Variants in SPAG16 observed in about 807,000 individuals in gnomAD.
SPAG16 encodes sperm-associated antigen 16 protein.
A neutral mutation model predicts 80.4 loss-of-function variants in SPAG16; 86 were observed. The ratio of observed to expected loss-of-function variants is 1.07; its 90% confidence interval spans 0.90 to 1.28. The LOEUF is 1.28. Ranked by LOEUF, SPAG16 falls within the 50% of genes most tolerant of loss-of-function variation. SPAG16 has a pLI of 0.00. For missense variants in SPAG16, 870 were observed against 765.3 expected, an observed-to-expected ratio of 1.14 and a Z score of -1.61; for synonymous variants, 294 against 265.9, an observed-to-expected ratio of 1.11 and a Z score of -1.03.
At chr2:213,793,830 C>T (rs1204154055) in intron 10 of SPAG16, among the ~76,000 whole-genome samples, 1 of 152,100 alleles carries the variant, frequency 6.6e-6, no homozygotes, top group East Asian at 1.9e-4. Flanking sequence ...CGTCTTAATA[C>T]CTCCAAGTAT....
intron 5 of SPAG16, among the ~76,000 whole-genome samples, chr2:213,330,718 A>C (rs1242316919): frequency 6.6e-6 from 1 of 152,106 alleles, no homozygotes; most frequent in East Asian, 1.9e-4. Flanking sequence ...GTAAAACATG[A>C]GATTTGAGAG....
At chr2:213,318,947 T>A (rs2063511236) in intron 5 of SPAG16, among the ~76,000 whole-genome samples, 1 of 151,944 alleles carries the variant, frequency 6.6e-6, no homozygotes, top group Admixed American at 6.6e-5. Flanking sequence ...AGAAGCCAGA[T>A]CTCTCCACAC....
intron 15 of SPAG16, among the ~76,000 whole-genome samples, chr2:214,302,030 T>C (rs1694588412): frequency 6.6e-6 from 1 of 152,148 alleles, no homozygotes; most frequent in East Asian, 1.9e-4. Context: ...TTTTGTTGTT[T>C]GTTTGCCCAA....
chr2:213,688,031 G>T (rs2064767524), intron 10 of SPAG16, among the ~76,000 whole-genome samples: 1 of 152,142 alleles, frequency 6.6e-6, no homozygotes, highest in Non-Finnish European at 1.5e-5. Context: ...TTTTAGGGAG[G>T]CATGAGACAT....
intron 10 of SPAG16, among the ~76,000 whole-genome samples, chr2:213,675,389 A>G (rs1277144602): frequency 6.6e-6 from 1 of 152,122 alleles, no homozygotes; most frequent in Non-Finnish European, 1.5e-5. Context: ...CTTTAGTTTA[A>G]TTAGATACCA....
chr2:213,628,237 G>A (rs922299288), intron 10 of SPAG16, among the ~76,000 whole-genome samples: 8 of 152,150 alleles, frequency 5.3e-5, no homozygotes, highest in Non-Finnish European at 7.3e-5. Flanking sequence ...ATGAGGTCAG[G>A]AAATTCTTGA....
At chr2:214,103,943 C>A (rs1559797640) in intron 13 of SPAG16, among the ~76,000 whole-genome samples, 1 of 145,640 alleles carries the variant, frequency 6.9e-6, no homozygotes, top group African/African-American at 2.5e-5. Flanking sequence ...GAGAGGGAAA[C>A]AGAGAGAGAG....
At chr2:213,651,099 T>C (rs1366352866) in intron 10 of SPAG16, among the ~76,000 whole-genome samples, 1 of 152,226 alleles carries the variant, frequency 6.6e-6, no homozygotes, top group Non-Finnish European at 1.5e-5. Context: ...ATTATTTTCC[T>C]TTGATAACTA....
intron 10 of SPAG16, among the ~76,000 whole-genome samples, chr2:213,754,617 T>C (rs1424855616): frequency 1.3e-5 from 2 of 152,002 alleles, no homozygotes; most frequent in Non-Finnish European, 2.9e-5. Context: ...ATTAAAAAAC[T>C]TTCATATTTT....
rs1033333084 is a variant in SPAG16, at chr2:213,490,453, T to G, written c.1070+363T>G. ...TACCAATGTACTTTTTCCCTGTTAATAAGTTCTTTTTACTTGTTTGTTATG... is the reference window on the plus strand; with the variant it reads ...TACCAATGTACTTTTTCCCTGTTAAGAAGTTCTTTTTACTTGTTTGTTATG... On this transcript the variant is annotated intron_variant, in intron 10 of 15. Coordinates refer to ENST00000331683, the MANE Select transcript of SPAG16 (RefSeq NM_024532.5). 2.0e-5 allele frequency among the ~76,000 whole-genome samples: 3 copies of G among 152,294 alleles called. No homozygotes were observed. The South Asian group carries it at 6.2e-4, about 32-fold the overall frequency.
At chr2:214,347,870 A>G (rs1698159578) in intron 15 of SPAG16, among the ~76,000 whole-genome samples, 2 of 152,206 alleles carry the variant, frequency 1.3e-5, no homozygotes, top group Non-Finnish European at 1.5e-5. Context: ...AGCTGTGAAC[A>G]CAAGCTACTC....
chr2:213,517,765 A>G (rs528049375), intron 10 of SPAG16, among the ~76,000 whole-genome samples: 30 of 152,290 alleles, frequency 2.0e-4, no homozygotes, highest in African/African-American at 7.2e-4. Context: ...AGAATAATGA[A>G]ACTGGACCCT....
rs1258914463 is a variant in SPAG16 at position 213,504,565 on chromosome 2, G to C, written c.1070+14475G>C. Among the ~76,000 whole-genome samples the C allele has an allele frequency of 7.2e-5, 11 of 152,060 alleles. 1 individual carries two copies. Among genetic ancestry groups the C allele is most frequent in the Admixed American group, 7.2e-4 (11 of 15,262 alleles). ...AAAAATATATTAGAAGATAAAGAAGGCTTGTTGGAAATAGGGAGACTAAAG... is the reference window on the plus strand; with the variant it reads ...AAAAATATATTAGAAGATAAAGAAGCCTTGTTGGAAATAGGGAGACTAAAG... On this transcript the variant is annotated intron_variant, in intron 10 of 15. Coordinates refer to ENST00000331683, the MANE Select transcript of SPAG16 (RefSeq NM_024532.5).
At position 214,100,004 on chromosome 2, in the gene SPAG16, T is replaced by C. The variant is rs184402581; in HGVS notation, c.1528-8192T>C. Reference sequence around the variant, plus strand: ...ACCCAAATCTCATCTCAAATTACAATCCTCATAATCCCCATGTGTCGAGGG... The same window carrying C: ...ACCCAAATCTCATCTCAAATTACAACCCTCATAATCCCCATGTGTCGAGGG... On this transcript the variant is annotated intron_variant, in intron 13 of 15. Coordinates refer to ENST00000331683, the MANE Select transcript of SPAG16 (RefSeq NM_024532.5). Among the ~76,000 whole-genome samples the C allele has an allele frequency of 2.9e-3, 446 of 152,118 alleles. 1 individual carries two copies. Among genetic ancestry groups the C allele is most frequent in the African/African-American group, 0.01 (431 of 41,522 alleles).
At position 214,105,906 on chromosome 2, in the gene SPAG16, T is replaced by A. The variant is rs191847619; in HGVS notation, c.1528-2290T>A. Among the ~76,000 whole-genome samples the A allele has an allele frequency of 2.5e-3, 387 of 152,276 alleles. 2 individuals carry two copies. The highest frequency in any genetic ancestry group is 4.6e-3 in the Non-Finnish European group (313 of 68,024). On this transcript the variant is annotated intron_variant, in intron 13 of 15. Transcript: ENST00000331683. ...TATTTTAATTCATGAAACATTTATC[T>A]TCGAGTCAGGTTTTGTTATAGCAGC...
chr2:214,014,562 T>C (rs1280392952), intron 13 of SPAG16, among the ~76,000 whole-genome samples: 2 of 151,846 alleles, frequency 1.3e-5, no homozygotes, highest in Non-Finnish European at 2.9e-5. Flanking sequence ...ATCTGGAGGG[T>C]AAGTAGGATA....
At chr2:214,345,973 A>C (rs1698022168) in intron 15 of SPAG16, among the ~76,000 whole-genome samples, 1 of 152,190 alleles carries the variant, frequency 6.6e-6, no homozygotes, top group African/African-American at 2.4e-5. Context: ...CTAACATTTG[A>C]ATTATTTTCA....
intron 9 of SPAG16, among the ~76,000 whole-genome samples, chr2:213,476,148 G>A (rs770055727): frequency 1.3e-5 from 2 of 152,136 alleles, no homozygotes; most frequent in Admixed American, 1.3e-4. Flanking sequence ...TATCTTTTTG[G>A]CTTGCAAAAA....
At chr2:213,667,379 C>T (rs1488272438) in intron 10 of SPAG16, among the ~76,000 whole-genome samples, 2 of 152,178 alleles carry the variant, frequency 1.3e-5, no homozygotes, top group Non-Finnish European at 2.9e-5. Flanking sequence ...CGGGTTCTTG[C>T]ACCCACTCTG....
Sources: allele counts gnomAD v4.1 joint callset (sites outside exome capture counted in the v4.1 genomes callset), GRCh38; gene constraint gnomAD v4.1.1; transcripts MANE v1.5; gene names NCBI Gene and HGNC (gene_info 2026-07-23, HGNC 2026-07-21).